The following RBFOX1 variants were observed in gnomAD, a reference collection of about 807,000 sequenced individuals.
RBFOX1 encodes the protein RNA binding fox-1 homolog 1.
Under a neutral mutation model 57.7 loss-of-function variants are expected in RBFOX1, and 8 were observed. The ratio of observed to expected loss-of-function variants is 0.14; its 90% CI spans 0.08 to 0.25. RBFOX1 has a LOEUF of 0.25. RBFOX1 is among the 10% of genes least tolerant of loss of function. RBFOX1 has a pLI of 1.00. For missense variants in RBFOX1, 611 were observed against 548.5 expected, an observed-to-expected ratio of 1.11 and a Z score of -1.14; for synonymous variants, 326 against 222.4, an observed-to-expected ratio of 1.47 and a Z score of -4.15.
intron 3 of RBFOX1, among the ~76,000 whole-genome samples, chr16:6,939,047 A>C (rs1227813520): frequency 6.6e-6 from 1 of 152,190 alleles, no homozygotes; most frequent in African/African-American, 2.4e-5. Context: ...GAACTCTGGA[A>C]TATCAATGCT....
chr16:6,320,444 A>G (rs2081629776), intron 2 of RBFOX1, among the ~76,000 whole-genome samples: 1 of 152,020 alleles, frequency 6.6e-6, no homozygotes, highest in South Asian at 2.1e-4. Context: ...CCACTAAAGA[A>G]CTCATCCATG....
chr16:7,231,611 A>C (rs1330668918), intron 4 of RBFOX1, among the ~76,000 whole-genome samples: 2 of 152,232 alleles, frequency 1.3e-5, no homozygotes, highest in Non-Finnish European at 2.9e-5. Context: ...ATCACCATTC[A>C]TTACAGCCAA....
rs372156941 is a variant in RBFOX1 at position 6,002,356 on chromosome 16, C to A, written c.351+135021C>A. On this transcript the variant is annotated intron_variant, in intron 4 of 19. Transcript: ENST00000641259. Reference sequence around the variant, plus strand: ...GCTCTCAAGAACTGAGGGAGTGGTACAGAGGAAATAGAGTTTTGACATGGA... The same window carrying A: ...GCTCTCAAGAACTGAGGGAGTGGTAAAGAGGAAATAGAGTTTTGACATGGA... Among the ~76,000 whole-genome samples the A allele has an allele frequency of 2.5e-4, 38 of 152,326 alleles. No individual in the cohort carries two copies. In the East Asian group the frequency reaches 3.1e-3, roughly 12 times the overall value.
At chr16:6,042,293 G>A (rs969986093) in intron 1 of RBFOX1, among the ~76,000 whole-genome samples, 1 of 151,864 alleles carries the variant, frequency 6.6e-6, no homozygotes, top group Non-Finnish European at 1.5e-5. Context: ...TAGAGACAGG[G>A]TTTCACCGTG....
intron 4 of RBFOX1, among the ~76,000 whole-genome samples, chr16:5,972,988 G>A (rs965920377): frequency 1.1e-4 from 16 of 152,324 alleles, no homozygotes; most frequent in African/African-American, 3.8e-4. Flanking sequence ...CAGAAAGTGT[G>A]AGAATGGATG....
chr16:7,630,977 A>C (rs2060852682), intron 11 of RBFOX1, among the ~76,000 whole-genome samples: 1 of 152,180 alleles, frequency 6.6e-6, no homozygotes, highest in African/African-American at 2.4e-5. Flanking sequence ...GCCTTCTATC[A>C]TAGCTTTGCA....
chr16:7,645,212 C>G (rs567362129), intron 11 of RBFOX1, among the ~76,000 whole-genome samples: 1 of 152,236 alleles, frequency 6.6e-6, no homozygotes, highest in South Asian at 2.1e-4. Flanking sequence ...TTGGATTTGA[C>G]TAAAACTTTT....
chr16:7,004,326 G>T (rs1262814121), intron 3 of RBFOX1, among the ~76,000 whole-genome samples: 2 of 152,120 alleles, frequency 1.3e-5, no homozygotes, highest in East Asian at 1.9e-4. Flanking sequence ...TTATATTTGT[G>T]TATTAAACTC....
intron 1 of RBFOX1, among the ~76,000 whole-genome samples, chr16:6,184,768 C>T (rs1287462796): frequency 2.0e-5 from 3 of 152,016 alleles, no homozygotes; most frequent in Non-Finnish European, 2.9e-5. Context: ...GGGGTTTCGC[C>T]ATGTTGGCCA....
chr16:6,239,231 G>A (rs1159230014), intron 1 of RBFOX1, among the ~76,000 whole-genome samples: 1 of 152,042 alleles, frequency 6.6e-6, no homozygotes, highest in East Asian at 1.9e-4. Context: ...GTCATCTTGT[G>A]CTTTGCTTTG....
chr16:5,900,169 C>G (rs996377900), intron 4 of RBFOX1, among the ~76,000 whole-genome samples: 2 of 152,174 alleles, frequency 1.3e-5, no homozygotes, highest in East Asian at 1.9e-4. Flanking sequence ...TGACTAATAT[C>G]TAAGCTTTCT....
At chr16:6,662,135 G>T (rs563111571) in intron 3 of RBFOX1, among the ~76,000 whole-genome samples, 4 of 79,080 alleles carry the variant, frequency 5.1e-5, no homozygotes, top group South Asian at 8.8e-4. Flanking sequence ...CTGGGGGCGG[G>T]GTGAAAAAAA....
chr16:7,677,467 A>T (rs993480679), intron 14 of RBFOX1, among the ~76,000 whole-genome samples: 1 of 152,152 alleles, frequency 6.6e-6, no homozygotes, highest in Non-Finnish European at 1.5e-5. Context: ...AGTGGAAGGA[A>T]CACAGTGTGT....
At position 6,600,088 on chromosome 16, in the gene RBFOX1, T is replaced by C. The variant is rs1037987957; in HGVS notation, c.-63-54515T>C. On this transcript the variant is annotated intron_variant, in intron 2 of 15. Transcript: ENST00000550418. Reference sequence around the variant, plus strand: ...TAGAGGAAGAGGGTTAGGGAAGCATTCATGGGTTTTTCAAGCTCATTTTTC... The same window carrying C: ...TAGAGGAAGAGGGTTAGGGAAGCATCCATGGGTTTTTCAAGCTCATTTTTC... 1.1e-4 allele frequency among the ~76,000 whole-genome samples: 16 copies of C among 152,184 alleles called. 1 individual carries two copies. In the South Asian group the frequency reaches 2.1e-3, roughly 20 times the overall value.
chr16:6,651,311 C>T (rs1200324493), intron 2 of RBFOX1, among the ~76,000 whole-genome samples: 2 of 152,212 alleles, frequency 1.3e-5, no homozygotes, highest in Non-Finnish European at 2.9e-5. Flanking sequence ...CCCAGGTCGC[C>T]ATCTTTCTCT....
At chr16:6,984,316 C>T (rs938867142) in intron 3 of RBFOX1, among the ~76,000 whole-genome samples, 19 of 152,190 alleles carry the variant, frequency 1.2e-4, no homozygotes, top group Admixed American at 1.1e-3. Context: ...TTGACCAGCC[C>T]TTTGATCTGT....
chr16:5,485,345 C>CAAAA (rs71142624), intron 2 of RBFOX1, among the ~76,000 whole-genome samples: 9 of 51,626 alleles, frequency 1.7e-4, no homozygotes, highest in African/African-American at 4.8e-4. Context: ...GACTCCGTGT[C>CAAAA]AAAAAAAAAA....
rs1482216457 is a variant in RBFOX1 at position 5,970,228 on chromosome 16, T to G, written c.351+102893T>G. Among the ~76,000 whole-genome samples the G allele has an allele frequency of 3.9e-5, 6 of 152,284 alleles. No homozygotes were observed. The East Asian group carries it at 1.2e-3, about 29-fold the overall frequency. On this transcript the variant is annotated intron_variant, in intron 4 of 19. Coordinates refer to the RBFOX1 transcript ENST00000641259. ...TATCTTGACATTCATGAAGGCACTT[T>G]GTTGTTTCTCATAGATGTTGTCTAT...
intron 4 of RBFOX1, among the ~76,000 whole-genome samples, chr16:7,100,641 T>C (rs1260593594): frequency 6.6e-6 from 1 of 151,418 alleles, no homozygotes; most frequent in Non-Finnish European, 1.5e-5. Context: ...GGATGTCAGG[T>C]TTTTCTTGAC....
Sources: gnomAD v4.1 joint callset for allele counts (sites outside exome capture counted in the v4.1 genomes callset) on GRCh38, gnomAD v4.1.1 for gene constraint, MANE v1.5 for transcripts, NCBI Gene and HGNC (gene_info 2026-07-23, HGNC 2026-07-21) for gene names.